Variants in P3H2 observed in about 807,000 individuals in gnomAD.
The protein encoded by P3H2 is leprecan-like 1.
A neutral mutation model predicts 87.0 loss-of-function variants in P3H2; 80 were observed. The observed-to-expected ratio is 0.92, with a 90% CI of 0.77 to 1.11. The LOEUF (loss-of-function observed/expected upper bound fraction) is 1.11. Ranked by LOEUF, P3H2 falls within the 50% of genes least tolerant of loss-of-function variation. P3H2 has a pLI of 0.00. For synonymous variants in P3H2, 367 were observed against 359.3 expected (o/e 1.02, Z -0.24); for missense variants, 1,001 against 923.9 (o/e 1.08, Z -1.08).
chr3:189,966,977 C>A (rs1159815909), intron 13 of P3H2, among the ~76,000 whole-genome samples: 2 of 152,146 alleles, frequency 1.3e-5, no homozygotes, highest in African/African-American at 2.4e-5. Context: ...GAAGACGTTA[C>A]TTCCTTATGT....
At chr3:190,071,561 A>C (rs551426144) in intron 1 of P3H2, among the ~76,000 whole-genome samples, 18 of 152,346 alleles carry the variant, frequency 1.2e-4, no homozygotes, top group Admixed American at 1.2e-3. Context: ...AGAATGTAAA[A>C]GCACAATTGT....
chr3:189,966,141 A>AAGAAAG (rs1560339097), intron 13 of P3H2, among the ~76,000 whole-genome samples: 1 of 131,108 alleles, frequency 7.6e-6, no homozygotes. Flanking sequence ...GAAAGAAAGA[A>AAGAAAG]AGAAAGAAAG....
At chr3:190,047,543 C>T (rs1189114748) in intron 1 of P3H2, among the ~76,000 whole-genome samples, 1 of 152,110 alleles carries the variant, frequency 6.6e-6, no homozygotes, top group Non-Finnish European at 1.5e-5. Context: ...CTGCAAATGA[C>T]AGGGTTGTAT....
intron 1 of P3H2, among the ~76,000 whole-genome samples, chr3:190,012,300 T>C (rs1724619119): frequency 6.6e-6 from 1 of 151,764 alleles, no homozygotes; most frequent in Non-Finnish European, 1.5e-5. Flanking sequence ...GGAAATTTTC[T>C]TGTGAATTCC....
intron 1 of P3H2, among the ~76,000 whole-genome samples, chr3:190,113,032 T>A (rs771518539): frequency 1.2e-4 from 19 of 152,292 alleles, no homozygotes; most frequent in Middle Eastern, 6.8e-3. Flanking sequence ...ATCATGTGAA[T>A]GAAAGTGCAG....
rs9855397 is a variant in P3H2 at position 189,977,057 on chromosome 3, T to C, written c.1325-2372A>G. On this transcript the variant is annotated intron_variant, in intron 8 of 14. Coordinates refer to ENST00000319332, the MANE Select transcript of P3H2 (RefSeq NM_018192.4). ...GCAGCAGTTTTTAGCCTTAATTGAATACAATTCTCTCCCTCCCCGACTCCC... is the reference window on the plus strand; with the variant it reads ...GCAGCAGTTTTTAGCCTTAATTGAACACAATTCTCTCCCTCCCCGACTCCC... 6.6e-3 allele frequency among the ~76,000 whole-genome samples: 1,002 copies of C among 152,278 alleles called. 11 individuals carry two copies. The highest frequency in any genetic ancestry group is 0.024 in the African/African-American group (978 of 41,554).
chr3:190,071,508 T>C (rs1287834910), intron 1 of P3H2, among the ~76,000 whole-genome samples: 1 of 152,138 alleles, frequency 6.6e-6, no homozygotes, highest in Non-Finnish European at 1.5e-5. Flanking sequence ...AGCAGAAAAG[T>C]TAAAAATAAG....
intron 13 of P3H2, chr3:189,969,882 T>C: frequency 8.7e-7 from 1 of 1,149,120 alleles, no homozygotes; most frequent in Non-Finnish European, 1.3e-6. Flanking sequence ...GAAAGGAAGC[T>C]GCAGTGGGCG....
At chr3:190,078,950 T>C (rs1013244865) in intron 1 of P3H2, among the ~76,000 whole-genome samples, 2 of 152,124 alleles carry the variant, frequency 1.3e-5, no homozygotes, top group Non-Finnish European at 2.9e-5. Context: ...GTATGCACAG[T>C]GGTTGACAGC....
intron 1 of P3H2, among the ~76,000 whole-genome samples, chr3:190,082,835 A>C (rs1224500750): frequency 1.3e-5 from 2 of 152,208 alleles, no homozygotes; most frequent in Non-Finnish European, 2.9e-5. Context: ...AGTGGGAAGA[A>C]TATAATTACC....
chr3:189,995,721 T>C lies in P3H2; in HGVS notation c.481-279A>G, dbSNP rs2108925100. ...TATATCCATATCCAAAAGGGGTTAA[T>C]ATCTAGGATCTATAAGATATATAAA... On this transcript the variant is annotated intron_variant, in intron 1 of 14. Transcript: ENST00000319332. Among the ~76,000 whole-genome samples, 2 of 151,984 alleles carry C rather than the reference T, an allele frequency of 1.3e-5. 1 individual carries two copies. The highest frequency in any genetic ancestry group is 3.9e-4 in the East Asian group (2 of 5,180).
intron 13 of P3H2, among the ~76,000 whole-genome samples, chr3:189,968,214 A>T (rs964048562): frequency 1.3e-5 from 2 of 152,142 alleles, no homozygotes; most frequent in Admixed American, 6.6e-5. Flanking sequence ...GCTGCACCCC[A>T]TCAAACCATT....
intron 10 of P3H2, among the ~76,000 whole-genome samples, chr3:189,973,511 C>CTTTCTT (rs1723245878): frequency 2.8e-5 from 1 of 35,462 alleles, no homozygotes; most frequent in African/African-American, 9.7e-5. Flanking sequence ...TTCTTTCTTT[C>CTTTCTT]TTTTTTTTTT....
chr3:190,047,849 G>A (rs1008311117), intron 1 of P3H2, among the ~76,000 whole-genome samples: 1 of 152,108 alleles, frequency 6.6e-6, no homozygotes, highest in East Asian at 1.9e-4. Context: ...GAAGGAATAA[G>A]TTACAGTATG....
At chr3:190,051,888 T>C (rs1725995338) in intron 1 of P3H2, among the ~76,000 whole-genome samples, 1 of 152,124 alleles carries the variant, frequency 6.6e-6, no homozygotes, top group African/African-American at 2.4e-5. Flanking sequence ...GGACTTCCCC[T>C]CTCAGGCCTG....
rs2030573 is a variant in P3H2, at chr3:189,994,926, C to G, written c.633+364G>C. The stretch of plus-strand genomic sequence containing the variant: ...TCCTGAACAATTTACACTGGCCTCA[C>G]CTCCTAGGTATAAAATAAGAGTATC... On this transcript the variant is annotated intron_variant, in intron 2 of 14. Transcript: ENST00000319332. 0.017 allele frequency among the ~76,000 whole-genome samples: 2,549 copies of G among 152,048 alleles called. 278 individuals carry two copies. In the East Asian group the frequency reaches 0.29, roughly 17 times the overall value.
chr3:190,078,060 A>G (rs1165109405), intron 1 of P3H2, among the ~76,000 whole-genome samples: 2 of 152,218 alleles, frequency 1.3e-5, no homozygotes, highest in Non-Finnish European at 2.9e-5. Context: ...AGTTCAAGAG[A>G]TGAAAGTATT....
chr3:190,065,537 C>T lies in P3H2; in HGVS notation c.480+54715G>A, dbSNP rs576576080. On this transcript the variant is annotated intron_variant, in intron 1 of 14. Coordinates refer to ENST00000319332, the MANE Select transcript of P3H2 (RefSeq NM_018192.4). Reference sequence around the variant, plus strand: ...CAGTCAGTGTTATGTTAATCAGTAACGACATAGAGATTTTTTTTTCAGTAC... The same window carrying T: ...CAGTCAGTGTTATGTTAATCAGTAATGACATAGAGATTTTTTTTTCAGTAC... 6.7e-4 allele frequency among the ~76,000 whole-genome samples: 102 copies of T among 152,162 alleles called. 1 individual carries two copies. The highest frequency in any genetic ancestry group is 3.7e-3 in the Admixed American group (56 of 15,268).
intron 1 of P3H2, among the ~76,000 whole-genome samples, chr3:190,034,853 CTTTTT>C (rs58325211): frequency 7.1e-6 from 1 of 140,280 alleles, no homozygotes; most frequent in Non-Finnish European, 1.5e-5. Flanking sequence ...CTTTTCTTTT[CTTTTT>C]TTTTTTTTGA....
Sources: gnomAD v4.1 joint callset for allele counts (sites outside exome capture counted in the v4.1 genomes callset) on GRCh38, gnomAD v4.1.1 for gene constraint, MANE v1.5 for transcripts, NCBI Gene and HGNC (gene_info 2026-07-23, HGNC 2026-07-21) for gene names.